The following SNX30 variants were observed in gnomAD, a reference collection of about 807,000 sequenced individuals.
The protein encoded by SNX30 is sorting nexin-30.
SNX30 carries 24 observed loss-of-function variants against 46.4 expected under a neutral mutation model. That is an observed-to-expected ratio of 0.52 (90% CI 0.37 to 0.73). The LOEUF (loss-of-function observed/expected upper bound fraction) is 0.73. Among genes scored for constraint, SNX30 ranks in the 30% least tolerant of loss-of-function variants. SNX30 has a pLI of 0.00. For missense variants in SNX30, 533 were observed against 555.7 expected, an observed-to-expected ratio of 0.96 and a Z score of 0.41; for synonymous variants, 189 against 211.5, an observed-to-expected ratio of 0.89 and a Z score of 0.92.
At chr9:112,835,949 G>A (rs927431805) in intron 4 of SNX30, among the ~76,000 whole-genome samples, 1 of 152,208 alleles carries the variant, frequency 6.6e-6, no homozygotes, top group African/African-American at 2.4e-5. Context: ...TTAAAGGGCA[G>A]TGTGCTCAGG....
intron 6 of SNX30, among the ~76,000 whole-genome samples, chr9:112,849,521 G>A (rs1285181252): frequency 6.6e-6 from 1 of 152,222 alleles, no homozygotes. Context: ...AAAGATGAAT[G>A]AGTGTGGGGA....
rs1326744079 is a variant in SNX30 at position 112,874,291 on chromosome 9, C to T, written c.*5448C>T. The stretch of plus-strand genomic sequence containing the variant: ...GACACCCCTGAAGTTTGGATGAAGT[C>T]TGGTGGATTCCCTGTCTGTTGTATT... On this transcript the variant is annotated 3_prime_UTR_variant, in exon 9 of 9. Transcript: ENST00000374232. The T allele has an allele frequency of 6.6e-6, 1 of 152,344 alleles. No individual in the cohort carries two copies. Among genetic ancestry groups the T allele is most frequent in the South Asian group, 2.1e-4 (1 of 4,816 alleles). The allele number at this position is 152,344 out of a possible 1,614,324, so 9.4% of individuals were successfully genotyped here.
chr9:112,868,335 C>T (rs995868306), intron 8 of SNX30, among the ~76,000 whole-genome samples: 1 of 152,180 alleles, frequency 6.6e-6, no homozygotes, highest in Admixed American at 6.5e-5. Context: ...GCTTTCCACC[C>T]GCTCCAAGTC....
chr9:112,865,744 AGTGT>A (rs35558616), intron 8 of SNX30, among the ~76,000 whole-genome samples: 36 of 140,004 alleles, frequency 2.6e-4, no homozygotes, highest in East Asian at 4.2e-4. Flanking sequence ...CACATGAGTG[AGTGT>A]GTGTGTGTGT....
intron 7 of SNX30, among the ~76,000 whole-genome samples, chr9:112,852,873 G>T (rs1841051752): frequency 6.6e-6 from 1 of 152,148 alleles, no homozygotes; most frequent in South Asian, 2.1e-4. Context: ...CATGGTTCCT[G>T]CCGCTGCCGC....
intron 1 of SNX30, among the ~76,000 whole-genome samples, chr9:112,798,121 C>CTTTTTTTTTT (rs57300324): frequency 1.8e-4 from 14 of 77,884 alleles, no homozygotes; most frequent in South Asian, 5.4e-4. Flanking sequence ...TTTTTTTTTT[C>CTTTTTTTTTT]TTTTTTTTTT....
downstream of SNX30, among the ~76,000 whole-genome samples, chr9:112,883,886 A>C (rs111493002): frequency 3.4e-3 from 520 of 152,104 alleles, 6 homozygotes; most frequent in South Asian, 0.011. Flanking sequence ...TATTGGAGAC[A>C]TGGTTTCACT....
chr9:112,813,127 C>G (rs767835552), intron 2 of SNX30, among the ~76,000 whole-genome samples: 1 of 151,766 alleles, frequency 6.6e-6, no homozygotes, highest in Non-Finnish European at 1.5e-5. Context: ...CCAGCCTGGT[C>G]GACAGAGTGA....
At chr9:112,866,716 C>T (rs943149544) in intron 8 of SNX30, among the ~76,000 whole-genome samples, 11 of 151,536 alleles carry the variant, frequency 7.3e-5, no homozygotes, top group Non-Finnish European at 1.5e-4. Flanking sequence ...GGGAATTCCT[C>T]CCACCTCCTC....
chr9:112,883,220 CTT>C (rs1338510246), downstream of SNX30, among the ~76,000 whole-genome samples: 1 of 152,070 alleles, frequency 6.6e-6, no homozygotes, highest in Non-Finnish European at 1.5e-5. Flanking sequence ...CTTGGGATAA[CTT>C]GACTATGAAG....
Position 112,868,506 on chromosome 9 carries a change from A to G in SNX30, c.1255-278A>G, listed in dbSNP as rs192576086. Among the ~76,000 whole-genome samples the G allele has an allele frequency of 2.0e-4, 30 of 152,274 alleles. 1 individual carries two copies. In the East Asian group the frequency reaches 5.6e-3, roughly 28 times the overall value. ...AAAGGAAAAGAACTTCCTCCAGTAA[A>G]TCCATTTCCATTCACTGGATCTGAG... On this transcript the variant is annotated intron_variant, in intron 8 of 8. Transcript: ENST00000374232.
At chr9:112,788,046 C>T (rs1839960111) in intron 1 of SNX30, among the ~76,000 whole-genome samples, 1 of 152,010 alleles carries the variant, frequency 6.6e-6, no homozygotes, top group African/African-American at 2.4e-5. Flanking sequence ...GGGGATCCAC[C>T]CAAGGCAAGG....
At chr9:112,831,925 G>A (rs1262015131) in intron 4 of SNX30, among the ~76,000 whole-genome samples, 1 of 152,148 alleles carries the variant, frequency 6.6e-6, no homozygotes, top group African/African-American at 2.4e-5. Context: ...ATATTCCCAT[G>A]TTCAGGCCAT....
At chr9:112,855,913 G>A (rs1251607220) in intron 7 of SNX30, among the ~76,000 whole-genome samples, 5 of 152,214 alleles carry the variant, frequency 3.3e-5, no homozygotes, top group African/African-American at 1.2e-4. Context: ...ATGGAAGGTG[G>A]GGGGCATCAG....
At chr9:112,789,039 T>A (rs1839975865) in intron 1 of SNX30, among the ~76,000 whole-genome samples, 1 of 152,174 alleles carries the variant, frequency 6.6e-6, no homozygotes, top group Non-Finnish European at 1.5e-5. Flanking sequence ...CAAGCAATCC[T>A]CCTGCCTTGG....
chr9:112,775,542 TTGTGTG>T (rs199600863), intron 1 of SNX30, among the ~76,000 whole-genome samples: 27,908 of 131,238 alleles, frequency 0.21, 3,467 homozygotes, highest in East Asian at 0.39. Context: ...TATTTTAAAT[TTGTGTG>T]TGTGTGTGTG....
At chr9:112,797,779 G>A (rs1840133605) in intron 1 of SNX30, among the ~76,000 whole-genome samples, 1 of 139,564 alleles carries the variant, frequency 7.2e-6, no homozygotes, top group African/African-American at 2.7e-5. Flanking sequence ...GCATGATCCC[G>A]GCTCACTGCA....
intron 7 of SNX30, among the ~76,000 whole-genome samples, chr9:112,854,672 T>C (rs1841091723): frequency 6.6e-6 from 1 of 152,220 alleles, no homozygotes; most frequent in Non-Finnish European, 1.5e-5. Context: ...AGAAATCCTT[T>C]GCTGCCTTTG....
rs116083181 is a variant in SNX30 at position 112,786,521 on chromosome 9, C to G, written c.157-18255C>G. Among the ~76,000 whole-genome samples the G allele has an allele frequency of 3.3e-3, 507 of 152,142 alleles. 4 individuals are homozygous for G. Among genetic ancestry groups the G allele is most frequent in the African/African-American group, 0.012 (500 of 41,502 alleles). On this transcript the variant is annotated intron_variant, in intron 1 of 8. Coordinates refer to ENST00000374232, the MANE Select transcript of SNX30 (RefSeq NM_001012994.2). ...CATTCATTCCTTCACTTTCTTCCTT[C>G]TTCTGTGTCTGTCCCTCTCCTAGTA...
Sources: gnomAD v4.1 joint callset for allele counts (sites outside exome capture counted in the v4.1 genomes callset) on GRCh38, gnomAD v4.1.1 for gene constraint, MANE v1.5 for transcripts, NCBI Gene and HGNC (gene_info 2026-07-23, HGNC 2026-07-21) for gene names.